RPAP3: variants seen among roughly 807,000 people sequenced by gnomAD.
RPAP3 encodes the protein RNA polymerase II-associated protein 3.
Under a neutral mutation model 88.8 loss-of-function variants are expected in RPAP3, and 58 were observed. The observed-to-expected ratio is 0.65, with a 90% confidence interval of 0.53 to 0.81. The LOEUF (loss-of-function observed/expected upper bound fraction) is 0.81. Among genes scored for constraint, RPAP3 ranks in the 40% least tolerant of loss-of-function variants. RPAP3 has a pLI of 0.00. For synonymous variants in RPAP3, 255 were observed against 259.9 expected, an observed-to-expected ratio of 0.98 and a Z score of 0.18; for missense variants, 751 against 764.3, an observed-to-expected ratio of 0.98 and a Z score of 0.20.
intron 12 of RPAP3, among the ~76,000 whole-genome samples, chr12:47,676,974 A>G (rs1939128461): frequency 6.6e-6 from 1 of 152,254 alleles, no homozygotes; most frequent in Non-Finnish European, 1.5e-5. Context: ...CCTGATGAAC[A>G]TCAATGTGAA....
At chr12:47,698,673 G>A (rs1042615246) in intron 3 of RPAP3, among the ~76,000 whole-genome samples, 10 of 151,758 alleles carry the variant, frequency 6.6e-5, no homozygotes, top group African/African-American at 2.2e-4. Context: ...ACCACCATGC[G>A]CAGCTAATTT....
At position 47,669,185 on chromosome 12, in the gene RPAP3, A is replaced by T. The variant is rs549147904; in HGVS notation, c.1527-83T>A. On this transcript the variant is annotated intron_variant, in intron 13 of 16. Transcript: ENST00000005386. ...AAGGAGACATCAATAAAAATTTTTA[A>T]ATTTTTGACTATTAATATTGTATTA... 8.6e-4 allele frequency: 733 copies of T among 850,424 alleles called. 7 individuals carry two copies. In the East Asian group the frequency reaches 0.01, roughly 12 times the overall value. 52.7% of individuals were successfully genotyped at this position (850,424 alleles called of 1,614,324 possible).
intron 12 of RPAP3, among the ~76,000 whole-genome samples, chr12:47,676,688 C>G (rs1565715794): frequency 6.6e-6 from 1 of 151,974 alleles, no homozygotes; most frequent in African/African-American, 2.4e-5. Flanking sequence ...CCTCCCAAGA[C>G]AACCAGGAAG....
chr12:47,667,958 G>A, intron 14 of RPAP3, 107 bp from the exon 15 acceptor site: 1 of 673,266 alleles, frequency 1.5e-6, no homozygotes, highest in Non-Finnish European at 2.5e-6. Context: ...ACTTTGGGAG[G>A]CCAAGGTGGG....
chr12:47,695,701 T>C (rs1438510408), intron 5 of RPAP3, among the ~76,000 whole-genome samples: 1 of 152,164 alleles, frequency 6.6e-6, no homozygotes, highest in African/African-American at 2.4e-5. Context: ...ATAGTAAAAA[T>C]TCAGATACCA....
chr12:47,697,444 C>G (rs1939554820), intron 4 of RPAP3, among the ~76,000 whole-genome samples, 153 bp downstream of exon 4: 1 of 152,138 alleles, frequency 6.6e-6, no homozygotes, highest in African/African-American at 2.4e-5. Flanking sequence ...TACTCCTAAC[C>G]ACCATGTTAC....
In RPAP3 at chr12:47,682,214, C is replaced by T. The variant is rs928917691; in HGVS notation, c.993-397G>A. Among the ~76,000 whole-genome samples, 7 of 152,212 alleles carry T rather than the reference C, an allele frequency of 4.6e-5. No homozygotes were observed. In the East Asian group the frequency reaches 9.6e-4, roughly 21 times the overall value. On this transcript the variant is annotated intron_variant, in intron 9 of 16. Coordinates refer to ENST00000005386, the MANE Select transcript of RPAP3 (RefSeq NM_024604.3). ...TTTATTAACATTTACCCACAGTAAA[C>T]CTCCCATACTCATAGAAAAACAAAA...
At chr12:47,675,632 T>C (rs184212241) in intron 12 of RPAP3, among the ~76,000 whole-genome samples, 55 of 151,876 alleles carry the variant, frequency 3.6e-4, no homozygotes, top group African/African-American at 1.3e-3. Flanking sequence ...CCAACAAAGA[T>C]CAAAAGAGAC....
At chr12:47,702,374 C>T (rs74784303) in intron 2 of RPAP3, among the ~76,000 whole-genome samples, 1 of 151,596 alleles carries the variant, frequency 6.6e-6, no homozygotes, top group Admixed American at 6.6e-5. Context: ...GATGAGACCC[C>T]GTCTCTACTA....
intron 12 of RPAP3, among the ~76,000 whole-genome samples, chr12:47,676,299 G>C (rs1165324152): frequency 1.3e-5 from 2 of 152,152 alleles, no homozygotes; most frequent in Admixed American, 1.3e-4. Context: ...ACCAGGAAAA[G>C]ATCTAAAATT....
At position 47,697,689 on chromosome 12, in the gene RPAP3, C is replaced by G; in HGVS notation, c.325G>C (p.Asp109His). 1 of 1,607,178 alleles carries G rather than the reference C, an allele frequency of 6.2e-7. No homozygotes were observed. Among genetic ancestry groups the G allele is most frequent in the South Asian group, 1.1e-5 (1 of 89,312 alleles). Residue 109 changes from aspartate to histidine, a missense_variant, in exon 4 of 17, where the codon GAT (aspartate) becomes CAT (histidine). Coordinates refer to ENST00000005386, the MANE Select transcript of RPAP3 (RefSeq NM_024604.3). ...DRILDELDKD[D>H]STHESLSQES... ...TGAGACAGAGACTCATGGGTACTAT[C>G]GTCTTTGTCAAGCTCATCAAGGATA...
At chr12:47,702,415 G>A (rs543904976) in intron 2 of RPAP3, among the ~76,000 whole-genome samples, 8 of 152,004 alleles carry the variant, frequency 5.3e-5, no homozygotes, top group Admixed American at 2.6e-4. Flanking sequence ...GTAGCTGGGC[G>A]TGGTGGTGCA....
rs1280979340 is a variant in RPAP3 at position 47,662,742 on chromosome 12, G to A, written c.*763C>T. ...TGCTAGGTACTATGCAGAGTACAGG[G>A]ATGAGCAGAGTTCTAGCCCTACTTT... is the stretch of plus-strand genomic sequence containing the variant. On this transcript the variant is annotated 3_prime_UTR_variant, in exon 17 of 17. Coordinates refer to ENST00000005386, the MANE Select transcript of RPAP3 (RefSeq NM_024604.3). The A allele has an allele frequency of 6.6e-6, 1 of 152,234 alleles. No individual in the cohort carries two copies. The highest frequency in any genetic ancestry group is 1.5e-5 in the Non-Finnish European group (1 of 68,064). 9.4% of individuals were successfully genotyped at this position (152,234 alleles called of 1,614,324 possible).
chr12:47,676,485 T>C (rs914900808), intron 12 of RPAP3, among the ~76,000 whole-genome samples: 7 of 152,028 alleles, frequency 4.6e-5, no homozygotes, highest in Admixed American at 1.3e-4. Flanking sequence ...ATCATCAAAA[T>C]TGATAGACCA....
intron 12 of RPAP3, among the ~76,000 whole-genome samples, chr12:47,671,405 A>G (rs902765192): frequency 6.6e-6 from 1 of 152,236 alleles, no homozygotes; most frequent in African/African-American, 2.4e-5. Flanking sequence ...CCAACTACAT[A>G]GTTGAATTAT....
chr12:47,665,539 A>T (rs1938854506), intron 16 of RPAP3, among the ~76,000 whole-genome samples: 1 of 151,238 alleles, frequency 6.6e-6, no homozygotes, highest in South Asian at 2.1e-4. Flanking sequence ...CAGGGATTTC[A>T]AGGAACATTT....
rs1939224074 is a variant in RPAP3 at position 47,681,603 on chromosome 12, A to G, written c.1114+93T>C. ...GAAAACATAATTCCCTAAGTTCAGT[A>G]TCTTTGAACCATGGGTAAGCTACAT... On this transcript the variant is annotated intron_variant, in intron 10 of 16. Coordinates refer to ENST00000005386, the MANE Select transcript of RPAP3 (RefSeq NM_024604.3). The G allele has an allele frequency of 2.3e-6, 3 of 1,305,462 alleles. No individual in the cohort carries two copies. In the African/African-American group the frequency reaches 4.5e-5, roughly 20 times the overall value. 80.9% of individuals were successfully genotyped at this position (1,305,462 alleles called of 1,614,324 possible). A position where few individuals can be genotyped will look rare whatever the true frequency, so the allele number is the denominator to read the frequency against.
At position 47,696,283 on chromosome 12, in the gene RPAP3, G is replaced by C. The variant is rs993326819; in HGVS notation, c.538C>G (p.Leu180Val). The C allele has an allele frequency of 3.2e-6, 5 of 1,544,492 alleles. No individual in the cohort carries two copies. The highest frequency in any genetic ancestry group is 4.4e-6 in the Non-Finnish European group (5 of 1,145,332). ...GTCACAGAAAGTCCTTACTTTTTCA[G>C]TCTAAAATATGCTGACGCTCTGTTC... is the stretch of plus-strand genomic sequence containing the variant. ...PTNRASAYFRLKKFAVAESDC... is the reference protein window; with the variant it reads ...PTNRASAYFRVKKFAVAESDC... Residue 180 changes from leucine (L) to valine (V), a missense_variant, in exon 5 of 17, where the codon CTG becomes GTG. By Grantham distance (32) the Leu-to-Val change is conservative (BLOSUM62 1). Transcript: ENST00000005386.
chr12:47,693,680 A>G (rs148561631), intron 5 of RPAP3, among the ~76,000 whole-genome samples: 1 of 152,348 alleles, frequency 6.6e-6, no homozygotes, highest in East Asian at 1.9e-4. Context: ...GGTATTACAT[A>G]CAGGTCTTTA....
Sources: allele counts gnomAD v4.1 joint callset (sites outside exome capture counted in the v4.1 genomes callset), GRCh38; gene constraint gnomAD v4.1.1; transcripts MANE v1.5; gene names NCBI Gene and HGNC (gene_info 2026-07-23, HGNC 2026-07-21).